CCDC171: variants seen among roughly 807,000 people sequenced by gnomAD.
CCDC171 encodes the protein coiled-coil domain containing 171, also known as coiled-coil domain-containing protein 171.
A neutral mutation model predicts 168.2 loss-of-function variants in CCDC171; 177 were observed. The ratio of observed to expected loss-of-function variants is 1.05; its 90% CI spans 0.93 to 1.19. CCDC171 has a LOEUF of 1.19. Among genes scored for constraint, CCDC171 ranks in the 50% most tolerant of loss-of-function variants. The pLI is 0.00. For missense variants in CCDC171, 1,991 were observed against 1,539.0 expected (o/e 1.29, Z -4.91); for synonymous variants, 687 against 540.8 (o/e 1.27, Z -3.75).
chr9:15,649,014 T>G (rs930299162), intron 7 of CCDC171, among the ~76,000 whole-genome samples: 5 of 152,186 alleles, frequency 3.3e-5, no homozygotes, highest in African/African-American at 1.2e-4. Context: ...AAGGCTACAG[T>G]AACCAAAACA....
At chr9:16,034,426 C>G (rs1207360216) in intron 6 of CCDC171, among the ~76,000 whole-genome samples, 1 of 152,208 alleles carries the variant, frequency 6.6e-6, no homozygotes, top group Non-Finnish European at 1.5e-5. Context: ...GGGTGGTAAA[C>G]TGCCCTTTTT....
chr9:15,759,100 C>G (rs1050063803), intron 18 of CCDC171, among the ~76,000 whole-genome samples: 1 of 152,030 alleles, frequency 6.6e-6, no homozygotes, highest in African/African-American at 2.4e-5. Flanking sequence ...CAATGTATTT[C>G]GTCTCCCTCC....
intron 7 of CCDC171, among the ~76,000 whole-genome samples, chr9:15,645,344 A>G (rs1052435566): frequency 2.5e-5 from 3 of 119,248 alleles, no homozygotes; most frequent in Non-Finnish European, 4.0e-5. Context: ...TACCTCTCCA[A>G]AGGAACTCAG....
intron 4 of CCDC171, among the ~76,000 whole-genome samples, chr9:15,584,252 A>G (rs1000951788): frequency 3.3e-5 from 5 of 152,212 alleles, no homozygotes; most frequent in Non-Finnish European, 5.9e-5. Flanking sequence ...AGTATTTTTG[A>G]TTATGTAGAG....
At chr9:15,572,057 A>G (rs577837469) in intron 3 of CCDC171, among the ~76,000 whole-genome samples, 1 of 152,306 alleles carries the variant, frequency 6.6e-6, no homozygotes, top group South Asian at 2.1e-4. Flanking sequence ...TAAATCAGAC[A>G]TTTTTGAAAT....
chr9:15,708,326 C>A (rs2052398688), intron 11 of CCDC171, among the ~76,000 whole-genome samples: 2 of 152,320 alleles, frequency 1.3e-5, no homozygotes, highest in South Asian at 4.1e-4. Context: ...TAAATATTCA[C>A]CCTCCCTTGG....
intron 3 of CCDC171, among the ~76,000 whole-genome samples, chr9:16,002,485 C>A (rs912940417): frequency 6.6e-6 from 1 of 151,990 alleles, no homozygotes; most frequent in African/African-American, 2.4e-5. Context: ...TAGTTTTGTA[C>A]AACTGTACGT....
At chr9:15,894,079 T>C (rs1292408165) in intron 24 of CCDC171, among the ~76,000 whole-genome samples, 3 of 152,180 alleles carry the variant, frequency 2.0e-5, no homozygotes, top group Non-Finnish European at 4.4e-5. Context: ...ATACACACCA[T>C]GGAATACTGT....
At chr9:16,027,214 G>T (rs915878231) in intron 6 of CCDC171, among the ~76,000 whole-genome samples, 5 of 152,170 alleles carry the variant, frequency 3.3e-5, no homozygotes, top group African/African-American at 1.2e-4. Flanking sequence ...CACTGATAAT[G>T]ACCCAGAGGA....
chr9:15,910,908 G>A lies in CCDC171; in HGVS notation c.3601-9362G>A, dbSNP rs141018593. Among the ~76,000 whole-genome samples, 38 of 152,256 alleles carry A rather than the reference G, an allele frequency of 2.5e-4. No homozygotes were observed. In the East Asian group the frequency reaches 7.3e-3, roughly 29 times the overall value. On this transcript the variant is annotated intron_variant, in intron 24 of 25. Transcript: ENST00000380701. ...TTTTTATGGCTGCATAGTATTCCAT[G>A]GTGTATATGTGCCACATTTTCTTTA...
upstream of CCDC171, among the ~76,000 whole-genome samples, chr9:16,041,684 A>G (rs780000926): frequency 3.3e-5 from 5 of 152,240 alleles, no homozygotes; most frequent in Non-Finnish European, 5.9e-5. Context: ...ATTGAAAATA[A>G]GAGGGCTTAT....
At chr9:15,975,867 ATTAAG>A (rs748251044), downstream of CCDC171, among the ~76,000 whole-genome samples, 2 of 152,168 alleles carry the variant, frequency 1.3e-5, no homozygotes, top group Non-Finnish European at 2.9e-5. Flanking sequence ...TGCAGGGGTG[ATTAAG>A]TTAAGGATCT....
intron 1 of CCDC171, among the ~76,000 whole-genome samples, chr9:16,045,891 A>G (rs1327749421): frequency 1.3e-5 from 2 of 152,148 alleles, no homozygotes; most frequent in Non-Finnish European, 2.9e-5. Flanking sequence ...CCCAGGCTCT[A>G]CTTCCCTGGG....
intron 20 of CCDC171, 48 bp from the exon 21 acceptor site, chr9:15,784,461 A>G: frequency 8.0e-7 from 1 of 1,256,066 alleles, no homozygotes; most frequent in Non-Finnish European, 1.1e-6. Flanking sequence ...ATGATACAAC[A>G]ATGCAGTTAG....
intron 8 of CCDC171, among the ~76,000 whole-genome samples, chr9:15,665,801 A>G (rs2048694052): frequency 1.3e-5 from 2 of 152,156 alleles, no homozygotes; most frequent in Non-Finnish European, 2.9e-5. Context: ...CAAACATTTA[A>G]TTTATTATAT....
chr9:16,061,294 C>G (rs573162453), exon 2 of CCDC171: 2 of 152,188 alleles, frequency 1.3e-5, no homozygotes, highest in South Asian at 2.1e-4. Context: ...AGTTTTCCAT[C>G]TGTAAACAAG....
At chr9:15,704,258 T>G (rs2052033048) in intron 11 of CCDC171, among the ~76,000 whole-genome samples, 1 of 152,200 alleles carries the variant, frequency 6.6e-6, no homozygotes. Context: ...GTGCTAGGTG[T>G]GCACATATGG....
chr9:15,855,353 G>A (rs957647177), intron 23 of CCDC171, among the ~76,000 whole-genome samples: 4 of 151,764 alleles, frequency 2.6e-5, no homozygotes, highest in African/African-American at 7.3e-5. Flanking sequence ...TCTGATATTA[G>A]TGTAGGCGCT....
chr9:15,805,981 T>G (rs1269249342), intron 21 of CCDC171, among the ~76,000 whole-genome samples: 2 of 152,192 alleles, frequency 1.3e-5, no homozygotes, highest in Non-Finnish European at 2.9e-5. Flanking sequence ...TAGCTCTTCT[T>G]GTTGAATGTC....
Sources: allele counts gnomAD v4.1 joint callset (sites outside exome capture counted in the v4.1 genomes callset), GRCh38; gene constraint gnomAD v4.1.1; transcripts MANE v1.5; gene names NCBI Gene and HGNC (gene_info 2026-07-23, HGNC 2026-07-21).